The following CNTN4 variants were observed in gnomAD, a reference collection of about 807,000 sequenced individuals.
CNTN4 encodes the protein contactin-4.
In CNTN4, 77 loss-of-function variants were observed where a neutral mutation model predicts 122.5. The observed-to-expected ratio is 0.63, with a 90% CI of 0.52 to 0.76. The LOEUF (loss-of-function observed/expected upper bound fraction) is 0.76, where lower values mean the gene tolerates loss of function less well. CNTN4 is among the 30% of genes least tolerant of loss of function. The pLI is 0.00. For missense variants in CNTN4, 1,256 were observed against 1,259.1 expected (o/e 1.00, Z 0.04); for synonymous variants, 512 against 447.0 (o/e 1.15, Z -1.83).
At chr3:2,818,693 T>A (rs1043016348) in intron 6 of CNTN4, among the ~76,000 whole-genome samples, 1 of 152,242 alleles carries the variant, frequency 6.6e-6, no homozygotes, top group African/African-American at 2.4e-5. Flanking sequence ...CATTTGTATT[T>A]GTAACTGCCT....
chr3:2,597,410 C>A (rs1338136719), intron 4 of CNTN4, among the ~76,000 whole-genome samples: 1 of 152,134 alleles, frequency 6.6e-6, no homozygotes, highest in Non-Finnish European at 1.5e-5. Context: ...GGGCCTTTGG[C>A]AGGGAGCACC....
At chr3:2,662,263 T>C (rs1026833670) in intron 4 of CNTN4, among the ~76,000 whole-genome samples, 1 of 152,214 alleles carries the variant, frequency 6.6e-6, no homozygotes, top group African/African-American at 2.4e-5. Flanking sequence ...CTATATTATA[T>C]TATCCCTAAA....
chr3:2,481,327 G>C (rs1432394313), intron 3 of CNTN4, among the ~76,000 whole-genome samples: 2 of 151,892 alleles, frequency 1.3e-5, no homozygotes, highest in African/African-American at 2.4e-5. Flanking sequence ...TTTTAGTAGA[G>C]ATGTGGTTTC....
At chr3:2,745,399 C>G (rs2089698302) in intron 5 of CNTN4, 123 bp from the exon 6 acceptor site, 1 of 835,174 alleles carries the variant, frequency 1.2e-6, no homozygotes, top group East Asian at 2.7e-5. Context: ...ACTTCTTAAT[C>G]ATGCTTTTTA....
At chr3:2,641,830 G>A (rs902732051) in intron 4 of CNTN4, among the ~76,000 whole-genome samples, 2 of 152,148 alleles carry the variant, frequency 1.3e-5, no homozygotes, top group African/African-American at 2.4e-5. Flanking sequence ...AGCCTGTATT[G>A]ACAGATGCAA....
chr3:2,644,628 C>T (rs1576327320), intron 4 of CNTN4, among the ~76,000 whole-genome samples: 1 of 150,986 alleles, frequency 6.6e-6, no homozygotes, highest in African/African-American at 2.4e-5. Context: ...AACTGGATTT[C>T]CTAAGTGAGT....
intron 4 of CNTN4, among the ~76,000 whole-genome samples, chr3:2,686,818 T>C (rs1456483118): frequency 6.6e-6 from 1 of 152,162 alleles, no homozygotes; most frequent in East Asian, 1.9e-4. Context: ...TATAAGCCAG[T>C]TTTAGTTTAT....
intron 3 of CNTN4, among the ~76,000 whole-genome samples, chr3:2,549,021 AT>A (rs1267769928): frequency 6.6e-6 from 1 of 152,040 alleles, no homozygotes; most frequent in Non-Finnish European, 1.5e-5. Flanking sequence ...TTGCACATCG[AT>A]TTTGTATCCT....
rs549321701 is a variant in CNTN4, at chr3:2,335,561, C to T, written c.-144-3617C>T. On this transcript the variant is annotated intron_variant, in intron 2 of 24. Coordinates refer to ENST00000418658, the MANE Select transcript of CNTN4 (RefSeq NM_175607.3). ...TTCCCCCTGTAAAGCAGCACAAAAG[C>T]GGCCCAGAAAAAAATTCTGTGGGTT... Among the ~76,000 whole-genome samples the T allele has an allele frequency of 1.5e-4, 22 of 144,434 alleles. 1 individual carries two copies. In the South Asian group the frequency reaches 2.3e-3, roughly 15 times the overall value. 94.8% of individuals were successfully genotyped at this position (144,434 alleles called of 152,430 possible).
At position 2,947,736 on chromosome 3, in the gene CNTN4, A is replaced by G. The variant is rs1459199100; in HGVS notation, c.1358+21957A>G. 3.9e-5 allele frequency among the ~76,000 whole-genome samples: 6 copies of G among 152,346 alleles called. No individual in the cohort carries two copies. The East Asian group carries it at 1.2e-3, about 29-fold the overall frequency. ...ATCTGAGTATAAAAGCTACAGCCAG[A>G]TCCCTATCTCTTCCATTATAGATAC... is the stretch of plus-strand genomic sequence containing the variant. On this transcript the variant is annotated intron_variant, in intron 13 of 24. Coordinates refer to ENST00000418658, the MANE Select transcript of CNTN4 (RefSeq NM_175607.3).
intron 3 of CNTN4, among the ~76,000 whole-genome samples, chr3:2,443,254 C>T (rs531433890): frequency 1.3e-4 from 20 of 152,216 alleles, no homozygotes; most frequent in Admixed American, 1.3e-3. Context: ...ACAAACCTGT[C>T]CTTTCAACAT....
At chr3:2,598,123 C>T (rs1331417137) in intron 4 of CNTN4, among the ~76,000 whole-genome samples, 1 of 152,158 alleles carries the variant, frequency 6.6e-6, no homozygotes, top group Non-Finnish European at 1.5e-5. Context: ...TCAAGCCTGG[C>T]AGCATCTTAT....
intron 6 of CNTN4, among the ~76,000 whole-genome samples, chr3:2,811,225 T>C (rs561224619): frequency 6.6e-6 from 1 of 151,176 alleles, no homozygotes; most frequent in Non-Finnish European, 1.5e-5. Context: ...GCCTGGCCAA[T>C]GTGGGAAACC....
intron 3 of CNTN4, among the ~76,000 whole-genome samples, chr3:2,520,954 G>GAACA (rs956333965): frequency 1.3e-4 from 20 of 152,188 alleles, no homozygotes; most frequent in African/African-American, 4.6e-4. Flanking sequence ...TGAACAATAT[G>GAACA]AACAAACAAA....
chr3:2,244,857 C>T (rs1191883051), intron 2 of CNTN4, among the ~76,000 whole-genome samples: 1 of 151,950 alleles, frequency 6.6e-6, no homozygotes, highest in Non-Finnish European at 1.5e-5. Context: ...TCTGAAAATG[C>T]TGTAATGGTC....
chr3:2,789,451 G>A (rs2091940049), intron 6 of CNTN4, among the ~76,000 whole-genome samples: 1 of 152,030 alleles, frequency 6.6e-6, no homozygotes, highest in Non-Finnish European at 1.5e-5. Context: ...TTTTTCTTTT[G>A]AGACAGAGTC....
intron 13 of CNTN4, among the ~76,000 whole-genome samples, chr3:2,984,917 G>A (rs1283672259): frequency 6.6e-6 from 1 of 152,200 alleles, no homozygotes; most frequent in Non-Finnish European, 1.5e-5. Flanking sequence ...AATGGAATGT[G>A]ACTAACTCCT....
intron 2 of CNTN4, among the ~76,000 whole-genome samples, chr3:2,125,544 T>TTTTTTC (rs1267434721): frequency 6.8e-6 from 1 of 147,318 alleles, no homozygotes. Flanking sequence ...TGAAGATTTC[T>TTTTTTC]TTTTTCTTTT....
chr3:2,150,720 C>G (rs2035459466), intron 2 of CNTN4, among the ~76,000 whole-genome samples: 1 of 152,204 alleles, frequency 6.6e-6, no homozygotes, highest in Non-Finnish European at 1.5e-5. Context: ...AAGTCATTCT[C>G]AAGCATGTTA....
Sources: gnomAD v4.1 joint callset for allele counts (sites outside exome capture counted in the v4.1 genomes callset) on GRCh38, gnomAD v4.1.1 for gene constraint, MANE v1.5 for transcripts, NCBI Gene and HGNC (gene_info 2026-07-23, HGNC 2026-07-21) for gene names.